LARP4B: variants seen among roughly 807,000 people sequenced by gnomAD.
The protein encoded by LARP4B is La ribonucleoprotein 4B.
Under a neutral mutation model 89.8 loss-of-function variants are expected in LARP4B, and 12 were observed. The observed-to-expected ratio is 0.13, with a 90% CI of 0.09 to 0.22. The LOEUF (loss-of-function observed/expected upper bound fraction) is 0.22, where lower values mean the gene tolerates loss of function less well. LARP4B is among the 10% of genes least tolerant of loss of function. The pLI is 1.00. For synonymous variants in LARP4B, 367 were observed against 363.3 expected (o/e 1.01, Z -0.12); for missense variants, 757 against 947.7 (o/e 0.80, Z 2.64).
At position 836,463 on chromosome 10, in the gene LARP4B, C is replaced by T. The variant is rs777245193; in HGVS notation, c.690G>A (p.Arg230=). The change falls in exon 8 of 18, where the codon AGG becomes AGA. Residue 230 remains arginine (R), a synonymous_variant. Transcript: ENST00000316157. ...VQVDEKGEKV[R]PNQNRCIVIL... is the part of the protein sequence containing the mutation. Reference sequence around the variant, plus strand: ...TTACTATGCAGCGATTTTGATTTGGCCTTACTTTTTCTCCCTTTTCATCCA... The same window carrying T: ...TTACTATGCAGCGATTTTGATTTGGTCTTACTTTTTCTCCCTTTTCATCCA... The T allele has an allele frequency of 1.9e-6, 3 of 1,613,472 alleles. No individual in the cohort carries two copies. Among genetic ancestry groups the T allele is most frequent in the Non-Finnish European group, 2.5e-6 (3 of 1,179,584 alleles).
the LARP4B span, among the ~76,000 whole-genome samples, chr10:967,239 C>T: frequency 4.6e-5 from 7 of 152,104 alleles, no homozygotes; most frequent in East Asian, 1.9e-4. Flanking sequence ...AGGAAATGGG[C>T]GCAGCGCAGG....
chr10:932,874 G>A (rs1329833945), upstream of LARP4B, among the ~76,000 whole-genome samples: 1 of 143,842 alleles, frequency 7.0e-6, no homozygotes, highest in Non-Finnish European at 1.5e-5. Flanking sequence ...CCCCACACCT[G>A]GGATCAAGGC....
intron 11 of LARP4B, among the ~76,000 whole-genome samples, chr10:827,275 C>CAAAAAAAAAGAAAAAA (rs58903055): frequency 2.0e-5 from 3 of 151,090 alleles, no homozygotes; most frequent in African/African-American, 7.3e-5. Flanking sequence ...GACTCTGTCT[C>CAAAAAAAAAGAAAAAA]AAAGAAAAAG....
intron 3 of LARP4B, among the ~76,000 whole-genome samples, chr10:870,321 C>A (rs965847147): frequency 2.0e-5 from 3 of 152,194 alleles, no homozygotes; most frequent in Non-Finnish European, 4.4e-5. Context: ...TGCCAATCCA[C>A]TTTTGAGGGA....
intron 1 of LARP4B, among the ~76,000 whole-genome samples, chr10:929,058 G>C (rs1004913051): frequency 6.6e-6 from 1 of 152,104 alleles, no homozygotes; most frequent in Non-Finnish European, 1.5e-5. Context: ...ATTTCTCCCT[G>C]AATTTGCTGC....
intron 3 of LARP4B, among the ~76,000 whole-genome samples, chr10:875,654 C>A (rs547069621): frequency 6.6e-6 from 1 of 152,226 alleles, no homozygotes; most frequent in Non-Finnish European, 1.5e-5. Flanking sequence ...TCTGGAGAGG[C>A]CTTTGTGCTG....
At chr10:955,057 G>GCTTCCCCAGGACAGCTCCCATCCACC in the LARP4B span, among the ~76,000 whole-genome samples, 2,203 of 81,766 alleles carry the variant, frequency 0.027, 92 homozygotes, top group East Asian at 0.038. The surrounding 1 kb of genome is among the most constrained non-coding windows in gnomAD (Gnocchi z 5.2). Context: ...TCCCATCCAC[G>GCTTCCCCAGGACAGCTCCCATCCACC]CTTCCCCAGG....
intron 1 of LARP4B, among the ~76,000 whole-genome samples, chr10:918,411 T>C (rs2132039622): frequency 6.6e-6 from 1 of 152,188 alleles, no homozygotes; most frequent in East Asian, 1.9e-4. Flanking sequence ...GGCAGGAGGA[T>C]TGCTTGAGCC....
intron 1 of LARP4B, among the ~76,000 whole-genome samples, chr10:899,497 A>T (rs1386838672): frequency 2.0e-5 from 3 of 152,218 alleles, no homozygotes. Context: ...TGATACTGAG[A>T]ACAGGACAGA....
chr10:832,893 A>C (rs1306456633), intron 8 of LARP4B, among the ~76,000 whole-genome samples: 2 of 152,252 alleles, frequency 1.3e-5, no homozygotes, highest in East Asian at 3.8e-4. Context: ...ATACTGAATA[A>C]ATATAAAACA....
chr10:915,926 GAAC>G (rs760832095), intron 1 of LARP4B, among the ~76,000 whole-genome samples: 5 of 150,336 alleles, frequency 3.3e-5, no homozygotes, highest in Non-Finnish European at 7.4e-5. Context: ...ATTCTGTTTT[GAAC>G]AACATCCTTT....
the LARP4B span, chr10:987,585 GAGTTAATATATAGTC>G: frequency 6.6e-6 from 1 of 152,204 alleles, no homozygotes; most frequent in Non-Finnish European, 1.5e-5. Context: ...GAAATTAAAC[GAGTTAATATATAGTC>G]AGCAGCTCTG....
At chr10:866,199 T>C (rs760357354) in intron 3 of LARP4B, among the ~76,000 whole-genome samples, 9 of 152,124 alleles carry the variant, frequency 5.9e-5, no homozygotes, top group Non-Finnish European at 7.3e-5. Flanking sequence ...TCTGGAATTC[T>C]TTTTAGTTTT....
Position 844,957 on chromosome 10 carries a change from A to C in LARP4B, c.509+20T>G. ...AATACTAGAAATATCAGGTACTAGA[A>C]AAACCACCACCAGCCTTACCTAGAT... is the stretch of plus-strand genomic sequence containing the variant. On this transcript the variant is annotated intron_variant, in intron 6 of 17. Coordinates refer to ENST00000316157, the MANE Select transcript of LARP4B (RefSeq NM_015155.3). 6.3e-7 allele frequency: 1 copy of C among 1,585,678 alleles called. No individual in the cohort carries two copies. Among genetic ancestry groups the C allele is most frequent in the South Asian group, 1.1e-5 (1 of 89,260 alleles).
the LARP4B span, among the ~76,000 whole-genome samples, chr10:978,404 T>C: frequency 6.6e-6 from 1 of 152,116 alleles, no homozygotes; most frequent in African/African-American, 2.4e-5. Context: ...ATTGTACTTA[T>C]TAACACATTT....
At chr10:898,513 C>T (rs567975039) in intron 1 of LARP4B, among the ~76,000 whole-genome samples, 1 of 152,308 alleles carries the variant, frequency 6.6e-6, no homozygotes, top group East Asian at 1.9e-4. Context: ...GGTTAAGACC[C>T]TCCCTTTTTT....
the LARP4B span, chr10:971,470 A>G: frequency 1.3e-5 from 2 of 152,210 alleles, no homozygotes; most frequent in African/African-American, 4.8e-5. Context: ...TAGTAGGAAA[A>G]AACATTTTCC....
intron 15 of LARP4B, chr10:815,331 A>G: frequency 3.3e-6 from 1 of 299,452 alleles, no homozygotes; most frequent in Non-Finnish European, 6.2e-6. Flanking sequence ...GATGATCTAC[A>G]AGCTTATTTC....
chr10:877,748 G>A (rs1400128281), intron 3 of LARP4B, among the ~76,000 whole-genome samples: 2 of 152,174 alleles, frequency 1.3e-5, no homozygotes, highest in African/African-American at 4.8e-5. Context: ...ACCACCATAT[G>A]TGATATATTC....
Sources: gnomAD v4.1 joint callset for allele counts (sites outside exome capture counted in the v4.1 genomes callset) on GRCh38, gnomAD v4.1.1 for gene constraint, Gnocchi (gnomAD v3.1) non-coding constraint, MANE v1.5 for transcripts, NCBI Gene and HGNC (gene_info 2026-07-23, HGNC 2026-07-21) for gene names.